Variants in YES1 observed in about 807,000 individuals in gnomAD.
YES1 encodes YES proto-oncogene 1, Src family tyrosine kinase, also known as tyrosine-protein kinase Yes.
A neutral mutation model predicts 70.4 loss-of-function variants in YES1; 39 were observed. That is an observed-to-expected ratio of 0.55 (90% CI 0.43 to 0.72). The LOEUF (loss-of-function observed/expected upper bound fraction) is 0.72. Among genes scored for constraint, YES1 ranks in the 30% least tolerant of loss-of-function variants. The pLI is 0.00. For missense variants in YES1, 495 were observed against 644.8 expected (o/e 0.77, Z 2.52); for synonymous variants, 198 against 218.6 (o/e 0.91, Z 0.83).
At chr18:797,225 GGA>G (rs1906592322) in intron 1 of YES1, among the ~76,000 whole-genome samples, 1 of 151,944 alleles carries the variant, frequency 6.6e-6, no homozygotes, top group Non-Finnish European at 1.5e-5. Flanking sequence ...TTCACCACAA[GGA>G]GAGATGCATA....
chr18:769,778 T>C (rs987535990), intron 1 of YES1, among the ~76,000 whole-genome samples: 2 of 152,210 alleles, frequency 1.3e-5, no homozygotes, highest in African/African-American at 4.8e-5. Context: ...TAAAACCCAA[T>C]TGGTCATGGT....
intron 11 of YES1, among the ~76,000 whole-genome samples, chr18:729,206 T>A: frequency 6.6e-6 from 1 of 152,162 alleles, no homozygotes; most frequent in East Asian, 1.9e-4. Context: ...TCTTCTATTA[T>A]GCCCATCTAG....
chr18:794,234 A>G lies in YES1; in HGVS notation c.-9+17880T>C, dbSNP rs1157036424. 2.0e-5 allele frequency among the ~76,000 whole-genome samples: 3 copies of G among 152,328 alleles called. No individual in the cohort carries two copies. The East Asian group carries it at 5.8e-4, about 29-fold the overall frequency. On this transcript the variant is annotated intron_variant, in intron 1 of 11. Coordinates refer to ENST00000314574, the MANE Select transcript of YES1 (RefSeq NM_005433.4). The stretch of plus-strand genomic sequence containing the variant: ...TGATGTCTTGTACTCTGAAGAACAT[A>G]ATAGCCTTTAAGTGGTACTCCTGCC...
At position 723,350 on chromosome 18, in the gene YES1, A is replaced by T. The variant is rs2145649828; in HGVS notation, c.*1074T>A. On this transcript the variant is annotated 3_prime_UTR_variant, in exon 12 of 12. Transcript: ENST00000314574. ...GCCATTCTGTCACTCCATGACATCA[A>T]CATTAAACATTACCTTCCATCCCTC... 1 of 152,758 alleles carries T rather than the reference A, an allele frequency of 6.5e-6. No individual in the cohort carries two copies. The highest frequency in any genetic ancestry group is 2.1e-4 in the South Asian group (1 of 4,824). The allele number at this position is 152,758 out of a possible 1,614,324, so 9.5% of individuals were successfully genotyped here. A position where few individuals can be genotyped will look rare whatever the true frequency, so the allele number is the denominator to read the frequency against.
chr18:744,026 ATATGT>A lies in YES1; in HGVS notation c.725-616_725-612del, dbSNP rs1314382410. ...GTATGTATATACTAATATATAGTAG[ATATGT>A]TAGTATATTTACTAAATACTTAGTA... On this transcript the variant is annotated intron_variant, in intron 6 of 11. Coordinates refer to ENST00000314574, the MANE Select transcript of YES1 (RefSeq NM_005433.4). 2.7e-5 allele frequency among the ~76,000 whole-genome samples: 4 copies of A among 149,996 alleles called. No homozygotes were observed. The Admixed American group carries it at 2.7e-4, about 10-fold the overall frequency.
intron 1 of YES1, among the ~76,000 whole-genome samples, chr18:794,856 G>A (rs1378167364): frequency 3.3e-5 from 5 of 152,088 alleles, no homozygotes; most frequent in Non-Finnish European, 2.9e-5. Context: ...TCACTCTGTC[G>A]CCCAGGCTGG....
chr18:797,539 T>C (rs775987569), intron 1 of YES1, among the ~76,000 whole-genome samples: 1 of 152,132 alleles, frequency 6.6e-6, no homozygotes, highest in Non-Finnish European at 1.5e-5. Flanking sequence ...GTCTGACCAC[T>C]CACTAACACA....
chr18:739,483 G>C (rs532629976), intron 9 of YES1: 44 of 330,708 alleles, frequency 1.3e-4, no homozygotes, highest in African/African-American at 7.8e-4. Flanking sequence ...TGTGCCTGCA[G>C]TCCTAGCTAC....
chr18:733,355 G>T (rs2080113507), intron 10 of YES1, among the ~76,000 whole-genome samples: 1 of 152,084 alleles, frequency 6.6e-6, no homozygotes, highest in African/African-American at 2.4e-5. Flanking sequence ...TAATGTTTAT[G>T]GGTTTTCCTA....
At chr18:745,908 A>T (rs2080275511) in intron 5 of YES1, 40 bp downstream of exon 5, 1 of 1,602,414 alleles carries the variant, frequency 6.2e-7, no homozygotes, top group Non-Finnish European at 8.5e-7. Flanking sequence ...ATACTGCCCC[A>T]AGAAATTTTA....
chr18:763,186 A>G lies in YES1; in HGVS notation c.-8-6351T>C, dbSNP rs536492632. Reference sequence around the variant, plus strand: ...TGTGAGCTGGGTAGGACAGGCAGCTAGAGGAGATTTAATATAGAAGATTAT... The same window carrying G: ...TGTGAGCTGGGTAGGACAGGCAGCTGGAGGAGATTTAATATAGAAGATTAT... On this transcript the variant is annotated intron_variant, in intron 1 of 11. Transcript: ENST00000314574. Among the ~76,000 whole-genome samples, 4 of 152,300 alleles carry G rather than the reference A, an allele frequency of 2.6e-5. No individual in the cohort carries two copies. In the East Asian group the frequency reaches 7.7e-4, roughly 29 times the overall value.
At chr18:770,268 C>CTTTTTTT (rs11324966) in intron 1 of YES1, among the ~76,000 whole-genome samples, 2 of 140,136 alleles carry the variant, frequency 1.4e-5, no homozygotes. Context: ...GCCCTTTTAT[C>CTTTTTTT]TTTTTTTTTT....
chr18:774,657 C>G lies in YES1; in HGVS notation c.-8-17822G>C, dbSNP rs556712478. ...AACTTCTCTCCACCTCCCACTGCTA[C>G]CCTGGTCTAGGTCACATCACCTTTC... On this transcript the variant is annotated intron_variant, in intron 1 of 11. Transcript: ENST00000314574. 5.3e-5 allele frequency among the ~76,000 whole-genome samples: 8 copies of G among 152,292 alleles called. No homozygotes were observed. The South Asian group carries it at 1.7e-3, about 32-fold the overall frequency.
At chr18:780,937 C>T (rs757517420) in intron 1 of YES1, among the ~76,000 whole-genome samples, 4 of 152,170 alleles carry the variant, frequency 2.6e-5, no homozygotes, top group African/African-American at 4.8e-5. Context: ...CCAGCCCCCT[C>T]TTTCTCCCAA....
chr18:748,092 G>T, intron 3 of YES1, 74 bp from the exon 4 acceptor site: 2 of 1,186,244 alleles, frequency 1.7e-6, no homozygotes, highest in Non-Finnish European at 2.5e-6. Flanking sequence ...GTGCTATCTT[G>T]TATCTGAAGT....
chr18:781,742 A>C (rs1905678797), intron 1 of YES1, among the ~76,000 whole-genome samples: 1 of 152,054 alleles, frequency 6.6e-6, no homozygotes, highest in Non-Finnish European at 1.5e-5. Context: ...AAATTACTTT[A>C]TCTTTCCTAA....
chr18:732,449 A>C lies in YES1; in HGVS notation c.1423+385T>G, dbSNP rs1265521287. On this transcript the variant is annotated intron_variant, in intron 11 of 11. Coordinates refer to ENST00000314574, the MANE Select transcript of YES1 (RefSeq NM_005433.4). Reference sequence around the variant, plus strand: ...AAGACTGTGTTTAAAAAAAAAAAAAAAAAAAAAACAAAACACCAATCACAC... The same window carrying C: ...AAGACTGTGTTTAAAAAAAAAAAAACAAAAAAAACAAAACACCAATCACAC... Among the ~76,000 whole-genome samples, 12 of 146,144 alleles carry C rather than the reference A, an allele frequency of 8.2e-5. No homozygotes were observed. The East Asian group carries it at 1.0e-3, about 12-fold the overall frequency.
At chr18:764,285 C>T (rs1434289431) in intron 1 of YES1, among the ~76,000 whole-genome samples, 1 of 152,112 alleles carries the variant, frequency 6.6e-6, no homozygotes, top group Non-Finnish European at 1.5e-5. Flanking sequence ...CACAATGGTA[C>T]AATCCCGGCA....
intron 1 of YES1, among the ~76,000 whole-genome samples, chr18:807,914 G>A (rs567932722): frequency 6.6e-6 from 1 of 152,148 alleles, no homozygotes; most frequent in South Asian, 2.1e-4. Context: ...GTGAAATGAA[G>A]TATAATGCTT....
Sources: allele counts gnomAD v4.1 joint callset (sites outside exome capture counted in the v4.1 genomes callset), GRCh38; gene constraint gnomAD v4.1.1; transcripts MANE v1.5; gene names NCBI Gene and HGNC (gene_info 2026-07-23, HGNC 2026-07-21).